The following CNOT2 variants were observed in gnomAD, a reference collection of about 807,000 sequenced individuals.
The protein encoded by CNOT2 is CC chemokine receptor 4-negative regulator of transcription 2.
Under a neutral mutation model 72.1 loss-of-function variants are expected in CNOT2, and 7 were observed. The observed-to-expected ratio is 0.10, with a 90% CI of 0.06 to 0.18. CNOT2 has a LOEUF of 0.18. Ranked by LOEUF, CNOT2 falls within the 10% of genes least tolerant of loss-of-function variation. The pLI is 1.00. For synonymous variants in CNOT2, 196 were observed against 225.6 expected (o/e 0.87, Z 1.17); for missense variants, 345 against 660.3 (o/e 0.52, Z 5.23).
intron 2 of CNOT2, among the ~76,000 whole-genome samples, chr12:70,304,726 C>A (rs1406646480): frequency 6.6e-6 from 1 of 152,234 alleles, no homozygotes; most frequent in Non-Finnish European, 1.5e-5. Flanking sequence ...TTTAAGTCTG[C>A]AGAGGTTACT....
intron 15 of CNOT2, among the ~76,000 whole-genome samples, chr12:70,349,984 G>C (rs1882675139): frequency 6.6e-6 from 1 of 152,048 alleles, no homozygotes; most frequent in Non-Finnish European, 1.5e-5. Flanking sequence ...CTCCAGCCCA[G>C]GTGACAGAGC....
chr12:70,277,442 A>T (rs1309791984), intron 1 of CNOT2, among the ~76,000 whole-genome samples: 1 of 152,014 alleles, frequency 6.6e-6, no homozygotes, highest in Non-Finnish European at 1.5e-5. Context: ...CAGTTTAAGA[A>T]ATCATCCCCA....
chr12:70,251,642 G>A (rs1023816226), intron 1 of CNOT2, among the ~76,000 whole-genome samples: 1 of 152,154 alleles, frequency 6.6e-6, no homozygotes, highest in Non-Finnish European at 1.5e-5. Context: ...AAGCTTAATG[G>A]TGTATGTTTA....
chr12:70,243,415 G>A (rs1310648017), upstream of CNOT2: 1 of 152,774 alleles, frequency 6.5e-6, no homozygotes, highest in East Asian at 1.9e-4. Flanking sequence ...TAAAGGTCTT[G>A]CTCCCAGCAG....
At chr12:70,263,718 A>G (rs1346007326) in intron 1 of CNOT2, among the ~76,000 whole-genome samples, 1 of 152,034 alleles carries the variant, frequency 6.6e-6, no homozygotes, top group African/African-American at 2.4e-5. Context: ...CTGCTTTTTC[A>G]CCCTGTGTAT....
At chr12:70,303,789 C>T (rs995506153) in intron 2 of CNOT2, among the ~76,000 whole-genome samples, 1 of 152,212 alleles carries the variant, frequency 6.6e-6, no homozygotes, top group African/African-American at 2.4e-5. Context: ...GGAAGTTCTC[C>T]TGGATAATAT....
intron 1 of CNOT2, among the ~76,000 whole-genome samples, chr12:70,244,806 G>A (rs1957799085): frequency 1.3e-5 from 2 of 152,180 alleles, no homozygotes; most frequent in South Asian, 4.1e-4. Flanking sequence ...GTTCACGAGG[G>A]AGGCCAACTT....
At chr12:70,328,953 A>G (rs1428264741) in intron 4 of CNOT2, among the ~76,000 whole-genome samples, 2 of 151,948 alleles carry the variant, frequency 1.3e-5, no homozygotes, top group East Asian at 3.9e-4. Flanking sequence ...TTTCTAAAAT[A>G]TAATTTTAAA....
intron 2 of CNOT2, among the ~76,000 whole-genome samples, chr12:70,291,051 A>G (rs1279199068): frequency 6.6e-6 from 1 of 152,186 alleles, no homozygotes; most frequent in East Asian, 1.9e-4. Flanking sequence ...TCCAGTTCTT[A>G]TGTAGAATTG....
At chr12:70,345,862 G>T (rs1882099057) in intron 14 of CNOT2, 1 of 192,906 alleles carries the variant, frequency 5.2e-6, no homozygotes, top group African/African-American at 2.3e-5. Flanking sequence ...GCAACACATT[G>T]TGTCTTTATT....
At chr12:70,305,696 G>A (rs977694515) in intron 2 of CNOT2, among the ~76,000 whole-genome samples, 1 of 152,040 alleles carries the variant, frequency 6.6e-6, no homozygotes, top group Non-Finnish European at 1.5e-5. Flanking sequence ...TTCTAAGATA[G>A]TTAGTGCTGC....
At chr12:70,250,239 C>T (rs1168439369) in intron 1 of CNOT2, among the ~76,000 whole-genome samples, 2 of 152,096 alleles carry the variant, frequency 1.3e-5, no homozygotes, top group Non-Finnish European at 2.9e-5. Context: ...TCCCTGTGCT[C>T]GATCACCAAA....
chr12:70,353,821 T>G lies in CNOT2; in HGVS notation c.1537-8T>G. ...AAGATATCTAAATTCTTGAATTTGT[T>G]TTTATAGGAGTTCCATCTGGAATAT... On this transcript the variant is annotated splice_region_variant and splice_polypyrimidine_tract_variant and intron_variant, in intron 15 of 15. Coordinates refer to ENST00000229195, the MANE Select transcript of CNOT2 (RefSeq NM_014515.7). 1 of 1,607,608 alleles carries G rather than the reference T, an allele frequency of 6.2e-7. No individual in the cohort carries two copies. The highest frequency in any genetic ancestry group is 2.2e-5 in the East Asian group (1 of 44,806).
intron 4 of CNOT2, chr12:70,321,591 T>C (rs534495140): frequency 1.2e-4 from 18 of 152,026 alleles, no homozygotes; most frequent in African/African-American, 4.1e-4. Flanking sequence ...TTGAGATTGG[T>C]GTAACTAAAA....
At chr12:70,277,845 C>T (rs1186596851) in intron 1 of CNOT2, among the ~76,000 whole-genome samples, 1 of 151,818 alleles carries the variant, frequency 6.6e-6, no homozygotes, top group Non-Finnish European at 1.5e-5. Flanking sequence ...CTTTTTTGTC[C>T]ACTTCATTTT....
intron 1 of CNOT2, among the ~76,000 whole-genome samples, chr12:70,259,565 A>G (rs1474659029): frequency 6.6e-6 from 1 of 152,140 alleles, no homozygotes; most frequent in African/African-American, 2.4e-5. Flanking sequence ...CTGTCAGTAT[A>G]TTTGAGATTT....
chr12:70,251,241 A>AGT (rs1448398291), intron 1 of CNOT2, among the ~76,000 whole-genome samples: 1 of 152,208 alleles, frequency 6.6e-6, no homozygotes, highest in African/African-American at 2.4e-5. Context: ...CATACTGTAG[A>AGT]AACATCCTAG....
chr12:70,351,988 TAA>T (rs908972961), intron 15 of CNOT2, among the ~76,000 whole-genome samples: 31 of 152,198 alleles, frequency 2.0e-4, no homozygotes, highest in African/African-American at 7.5e-4. Context: ...CTTTTCAGGC[TAA>T]AGTCACCATG....
chr12:70,332,821 A>C lies in CNOT2; in HGVS notation c.624A>C (p.Leu208Phe), dbSNP rs772582056. The part of the protein sequence containing the change: ...RNQAFGMNNS[L>F]SSNIFNGTDG... ...AGGCATTTGGAATGAATAACTCCTT[A>C]TCAAGTAACATTTTTAATGGAACAG... The change falls in exon 7 of 16, where the codon TTA becomes TTC. Residue 208 changes from leucine to phenylalanine, a missense_variant. Coordinates refer to ENST00000229195, the MANE Select transcript of CNOT2 (RefSeq NM_014515.7). 6.2e-7 allele frequency: 1 copy of C among 1,605,786 alleles called. No individual in the cohort carries two copies. The highest frequency in any genetic ancestry group is 8.5e-7 in the Non-Finnish European group (1 of 1,176,132).
Sources: gnomAD v4.1 joint callset for allele counts (sites outside exome capture counted in the v4.1 genomes callset) on GRCh38, gnomAD v4.1.1 for gene constraint, MANE v1.5 for transcripts, NCBI Gene and HGNC (gene_info 2026-07-23, HGNC 2026-07-21) for gene names.